The following ATP13A4 variants were observed in gnomAD, a reference collection of about 807,000 sequenced individuals.
The protein encoded by ATP13A4 is probable cation-transporting ATPase 13A4.
In ATP13A4, 114 loss-of-function variants were observed where a neutral mutation model predicts 142.5. The observed-to-expected ratio is 0.80, with a 90% confidence interval of 0.69 to 0.93. The LOEUF (loss-of-function observed/expected upper bound fraction) is 0.93. Among genes scored for constraint, ATP13A4 ranks in the 40% least tolerant of loss-of-function variants. The probability of loss-of-function intolerance (pLI) is 0.00; values close to 1 mark genes in which losing one functional copy is unlikely to be tolerated. For missense variants in ATP13A4, 1,392 were observed against 1,454.0 expected (o/e 0.96, Z 0.69); for synonymous variants, 488 against 514.8 (o/e 0.95, Z 0.70).
chr3:193,521,297 A>C (rs1663447579), intron 1 of ATP13A4, among the ~76,000 whole-genome samples: 1 of 152,228 alleles, frequency 6.6e-6, no homozygotes, highest in Non-Finnish European at 1.5e-5. Flanking sequence ...AATGATGAAG[A>C]TCTCCTACTG....
intron 26 of ATP13A4, among the ~76,000 whole-genome samples, chr3:193,412,749 T>G (rs925410679): frequency 2.0e-5 from 3 of 152,078 alleles, no homozygotes; most frequent in African/African-American, 7.2e-5. Flanking sequence ...CTCTGATAAT[T>G]TGGCCAAGTG....
At chr3:193,461,311 C>G (rs576605884) in intron 13 of ATP13A4, among the ~76,000 whole-genome samples, 130 of 152,270 alleles carry the variant, frequency 8.5e-4, no homozygotes, top group African/African-American at 3.1e-3. Context: ...CTATTTGTGC[C>G]TAGTACAGAG....
intron 1 of ATP13A4, among the ~76,000 whole-genome samples, chr3:193,520,432 G>A (rs1429682252): frequency 6.6e-6 from 1 of 152,178 alleles, no homozygotes; most frequent in Non-Finnish European, 1.5e-5. Context: ...TCTAAGTCTA[G>A]GTTTCTTGAA....
chr3:193,434,004 A>G (rs1716117905), intron 24 of ATP13A4, 87 bp from the exon 25 acceptor site: 1 of 1,124,722 alleles, frequency 8.9e-7, no homozygotes, highest in Non-Finnish European at 1.3e-6. Flanking sequence ...TCACTGTGAC[A>G]TAGGGTTTTT....
chr3:193,491,208 T>A, intron 6 of ATP13A4, 121 bp downstream of exon 6: 1 of 820,616 alleles, frequency 1.2e-6, no homozygotes, highest in Non-Finnish European at 2.1e-6. Context: ...ATGCTTGGCA[T>A]ACTTTCAAAA....
intron 8 of ATP13A4, among the ~76,000 whole-genome samples, chr3:193,476,190 T>C (rs1025763463): frequency 1.8e-4 from 28 of 152,074 alleles, no homozygotes; most frequent in African/African-American, 6.8e-4. Context: ...AAACAATGAC[T>C]AACACCATTA....
chr3:193,541,114 T>A (rs988287435), intron 1 of ATP13A4, among the ~76,000 whole-genome samples: 3 of 151,686 alleles, frequency 2.0e-5, no homozygotes, highest in Admixed American at 6.6e-5. Context: ...CCGGGCGTGG[T>A]GGCAGGCGCC....
intron 2 of ATP13A4, among the ~76,000 whole-genome samples, chr3:193,569,360 A>G (rs989140874): frequency 2.6e-5 from 4 of 152,248 alleles, no homozygotes; most frequent in African/African-American, 9.6e-5. Flanking sequence ...CACAGCCAAG[A>G]TGAGCCTAAG....
intron 1 of ATP13A4, among the ~76,000 whole-genome samples, chr3:193,523,794 G>A (rs1367443167): frequency 6.6e-6 from 1 of 152,128 alleles, no homozygotes; most frequent in African/African-American, 2.4e-5. Context: ...CCCCCAGTAC[G>A]GCTGTGTTGG....
chr3:193,516,413 G>C (rs1452539190), intron 1 of ATP13A4, among the ~76,000 whole-genome samples: 1 of 152,188 alleles, frequency 6.6e-6, no homozygotes, highest in Non-Finnish European at 1.5e-5. Context: ...ATTTTGCAAA[G>C]TAGAATGTAG....
At chr3:193,481,315 G>C (rs1234550738) in intron 8 of ATP13A4, among the ~76,000 whole-genome samples, 1 of 152,084 alleles carries the variant, frequency 6.6e-6, no homozygotes, top group Admixed American at 6.6e-5. Context: ...CCTTTAATTG[G>C]TTGGTTACAT....
intron 3 of ATP13A4, among the ~76,000 whole-genome samples, chr3:193,502,259 C>T (rs1720590747): frequency 6.6e-6 from 1 of 152,106 alleles, no homozygotes; most frequent in Non-Finnish European, 1.5e-5. Flanking sequence ...TAGAAATAGA[C>T]ATTATTATCA....
In ATP13A4 at chr3:193,493,078, A is replaced by G; in HGVS notation, c.452+12T>C. 1 of 1,612,788 alleles carries G rather than the reference A, an allele frequency of 6.2e-7. No individual in the cohort carries two copies. The highest frequency in any genetic ancestry group is 8.5e-7 in the Non-Finnish European group (1 of 1,179,124). ...TTTTTCTTCTTTGGCTGTACTTGCT[A>G]AAACAACTTACCCAATTTTCTGGAA... On this transcript the variant is annotated intron_variant, in intron 4 of 29. Coordinates refer to ENST00000342695, the MANE Select transcript of ATP13A4 (RefSeq NM_032279.4).
intron 2 of ATP13A4, among the ~76,000 whole-genome samples, chr3:193,562,757 G>C (rs1177550725): frequency 6.6e-6 from 1 of 152,170 alleles, no homozygotes; most frequent in Non-Finnish European, 1.5e-5. Flanking sequence ...TGTACTCCCA[G>C]CTACTCGGGA....
intron 1 of ATP13A4, among the ~76,000 whole-genome samples, chr3:193,589,198 A>G (rs111289033): frequency 0.033 from 4,975 of 151,900 alleles, 101 homozygotes; most frequent in African/African-American, 0.043. Context: ...GTGTGTGTGT[A>G]TATAATTTGT....
At chr3:193,428,509 C>T (rs570227301) in intron 25 of ATP13A4, among the ~76,000 whole-genome samples, 1 of 152,146 alleles carries the variant, frequency 6.6e-6, no homozygotes, top group African/African-American at 2.4e-5. Context: ...TATTGTGGCA[C>T]TATTCACAAT....
chr3:193,436,451 A>T (rs1002649403), intron 23 of ATP13A4, among the ~76,000 whole-genome samples: 18 of 151,792 alleles, frequency 1.2e-4, no homozygotes, highest in African/African-American at 4.4e-4. Flanking sequence ...TTAAATTTAA[A>T]TTATACTTTT....
At chr3:193,481,968 T>C (rs1030023296) in intron 8 of ATP13A4, among the ~76,000 whole-genome samples, 23 of 152,314 alleles carry the variant, frequency 1.5e-4, no homozygotes, top group African/African-American at 5.5e-4. Context: ...AAAAGTCATA[T>C]GGAAACCCAA....
At position 193,467,355 on chromosome 3, in the gene ATP13A4, C is replaced by T. The variant is rs1299849578; in HGVS notation, c.1075G>A (p.Ala359Thr). ...ACGGCTCTCACGGTCCCAGAGCAAG[C>T]TGCCTTGGCCTGGATAACCTCTGTT... ...CGTEVIQAKA[A>T]CSGTVRAVVL... The change falls in exon 10 of 30, where the codon GCT becomes ACT. Residue 359 changes from alanine (A) to threonine (T), a missense_variant. Physicochemically the swap from Ala to Thr is moderately conservative, Grantham distance 58. Coordinates refer to ENST00000342695, the MANE Select transcript of ATP13A4 (RefSeq NM_032279.4). The T allele has an allele frequency of 1.2e-6, 2 of 1,614,188 alleles. No homozygotes were observed. The highest frequency in any genetic ancestry group is 1.7e-5 in the Admixed American group (1 of 60,014).
Sources: allele counts gnomAD v4.1 joint callset (sites outside exome capture counted in the v4.1 genomes callset), GRCh38; gene constraint gnomAD v4.1.1; transcripts MANE v1.5; gene names NCBI Gene and HGNC (gene_info 2026-07-23, HGNC 2026-07-21).